The following RDX variants were observed in gnomAD, a reference collection of about 807,000 sequenced individuals.
RDX encodes the protein radixin, also known as deafness, autosomal recessive 24.
Under a neutral mutation model 83.7 loss-of-function variants are expected in RDX, and 32 were observed. That is an observed-to-expected ratio of 0.38 (90% CI 0.29 to 0.51). The LOEUF (loss-of-function observed/expected upper bound fraction) is 0.51, where lower values mean the gene tolerates loss of function less well. RDX is among the 20% of genes least tolerant of loss of function. The probability of loss-of-function intolerance (pLI) is 0.87; values close to 1 mark genes in which losing one functional copy is unlikely to be tolerated. For synonymous variants in RDX, 229 were observed against 222.7 expected (o/e 1.03, Z -0.25); for missense variants, 600 against 689.9 (o/e 0.87, Z 1.46).
intron 12 of RDX, 129 bp from the exon 13 acceptor site, chr11:110,233,608 T>G: frequency 1.1e-6 from 1 of 916,904 alleles, no homozygotes; most frequent in South Asian, 1.6e-5. Flanking sequence ...TTATGAAACC[T>G]CTATTTTCAT....
chr11:110,291,941 T>C lies in RDX; in HGVS notation c.-65+4526A>G, dbSNP rs1206052445. Reference sequence around the variant, plus strand: ...CAGGAAGTCTGAGGCAGGATGATCATTTGAGACCAGCCTGGGCAACATAGG... The same window carrying C: ...CAGGAAGTCTGAGGCAGGATGATCACTTGAGACCAGCCTGGGCAACATAGG... On this transcript the variant is annotated intron_variant, in intron 1 of 13. Transcript: ENST00000645495. Among the ~76,000 whole-genome samples the C allele has an allele frequency of 6.6e-5, 10 of 152,018 alleles. No homozygotes were observed. The South Asian group carries it at 2.1e-3, about 32-fold the overall frequency.
chr11:110,215,605 T>C (rs1038153301), intron 14 of RDX, among the ~76,000 whole-genome samples: 1 of 152,166 alleles, frequency 6.6e-6, no homozygotes, highest in Non-Finnish European at 1.5e-5. Context: ...CCACTCTGTA[T>C]TCAAGTCGAA....
At chr11:110,274,126 TA>T (rs1008345361) in intron 2 of RDX, among the ~76,000 whole-genome samples, 7 of 152,188 alleles carry the variant, frequency 4.6e-5, no homozygotes, top group Non-Finnish European at 7.4e-5. Context: ...AAAATAATCT[TA>T]TTTTTTTCTT....
chr11:110,262,833 C>G (rs1166447079), intron 5 of RDX, among the ~76,000 whole-genome samples: 1 of 152,084 alleles, frequency 6.6e-6, no homozygotes, highest in African/African-American at 2.4e-5. Flanking sequence ...AGGGTGGAAT[C>G]GGTACTCAAA....
At chr11:110,288,162 G>A (rs1335312477) in intron 1 of RDX, among the ~76,000 whole-genome samples, 1 of 152,050 alleles carries the variant, frequency 6.6e-6, no homozygotes, top group Non-Finnish European at 1.5e-5. Context: ...TATTTTCAAG[G>A]AAATGAAATA....
intron 2 of RDX, among the ~76,000 whole-genome samples, chr11:110,277,650 A>T (rs1860574207): frequency 6.6e-6 from 1 of 151,980 alleles, no homozygotes; most frequent in Non-Finnish European, 1.5e-5. Context: ...TCTTTTGTGA[A>T]ATATCTGCTC....
At chr11:110,246,433 A>C (rs1591147237) in intron 10 of RDX, among the ~76,000 whole-genome samples, 1 of 152,332 alleles carries the variant, frequency 6.6e-6, no homozygotes, top group East Asian at 1.9e-4. Flanking sequence ...GTGAAATCTG[A>C]AATGCTACAA....
intron 14 of RDX, among the ~76,000 whole-genome samples, chr11:110,205,816 G>A (rs916799810): frequency 1.3e-5 from 2 of 152,192 alleles, no homozygotes; most frequent in Non-Finnish European, 2.9e-5. Flanking sequence ...TAGTAAAGTT[G>A]AAGATGTGCA....
intron 15 of RDX, among the ~76,000 whole-genome samples, chr11:110,190,102 A>C (rs1427287822): frequency 6.6e-6 from 1 of 152,120 alleles, no homozygotes; most frequent in African/African-American, 2.4e-5. Context: ...AATTATTTGG[A>C]ATACATGAAA....
At chr11:110,267,983 G>GA (rs1860129930) in intron 3 of RDX, among the ~76,000 whole-genome samples, 1 of 151,740 alleles carries the variant, frequency 6.6e-6, no homozygotes, top group South Asian at 2.1e-4. Flanking sequence ...TTAAAAATAA[G>GA]AAAAAAGCAT....
At chr11:110,269,622 C>T (rs1480588260) in intron 3 of RDX, among the ~76,000 whole-genome samples, 1 of 152,100 alleles carries the variant, frequency 6.6e-6, no homozygotes, top group Admixed American at 6.6e-5. Context: ...CTGCATTTTT[C>T]GATCCTTGCA....
At chr11:110,244,456 G>C (rs895856539) in intron 10 of RDX, among the ~76,000 whole-genome samples, 2 of 147,696 alleles carry the variant, frequency 1.4e-5, no homozygotes, top group Non-Finnish European at 3.0e-5. Flanking sequence ...AACAAAAGAA[G>C]CCAGTCACAA....
At chr11:110,194,605 G>A (rs1591502511) in intron 15 of RDX, among the ~76,000 whole-genome samples, 1 of 152,148 alleles carries the variant, frequency 6.6e-6, no homozygotes, top group African/African-American at 2.4e-5. Flanking sequence ...TCAAGGAGAG[G>A]ACTGAGAAAC....
intron 10 of RDX, among the ~76,000 whole-genome samples, chr11:110,243,899 T>G (rs2134330007): frequency 6.6e-6 from 1 of 152,212 alleles, no homozygotes; most frequent in Admixed American, 6.5e-5. Context: ...AAATCAAATT[T>G]GCTGGTGGCA....
chr11:110,209,528 G>A (rs1254011743), intron 14 of RDX, among the ~76,000 whole-genome samples: 4 of 152,226 alleles, frequency 2.6e-5, no homozygotes, highest in Admixed American at 1.3e-4. Flanking sequence ...GCAGCACCCT[G>A]GGGGCAGGGC....
intron 14 of RDX, among the ~76,000 whole-genome samples, chr11:110,207,329 G>C (rs575826878): frequency 6.6e-6 from 1 of 152,120 alleles, no homozygotes; most frequent in Non-Finnish European, 1.5e-5. Context: ...AACCTGAGGA[G>C]GGCACCCTGC....
rs1267308851 is a variant in RDX at position 110,229,558 on chromosome 11, G to C, written c.*2311C>G. 1.3e-5 allele frequency: 2 copies of C among 152,198 alleles called. No individual in the cohort carries two copies. The highest frequency in any genetic ancestry group is 2.9e-5 in the Non-Finnish European group (2 of 67,840). 9.4% of individuals were successfully genotyped at this position (152,198 alleles called of 1,614,324 possible). A position where few individuals can be genotyped will look rare whatever the true frequency, so the allele number is the denominator to read the frequency against. ...TTATGCTAATGGTAAAAGCCTACTG[G>C]GATTTACCAAATACTCATTAGTGTA... On this transcript the variant is annotated 3_prime_UTR_variant, in exon 14 of 14. Coordinates refer to ENST00000645495, the MANE Select transcript of RDX (RefSeq NM_002906.4).
In RDX at chr11:110,272,607, C is replaced by T. The variant is rs1860350064; in HGVS notation, c.25G>A (p.Val9Ile). MPKPINVRVTTMDAELEFA... is the reference protein window; with the variant it reads MPKPINVRITTMDAELEFA... ...TCCAGCTCAGCATCCATTGTAGTTA[C>T]TCTTACGTTGATCTGTAATAAAAAT... Residue 9 changes from valine (V) to isoleucine (I), a missense_variant, in exon 3 of 14, where the codon GTA (valine) becomes ATA (isoleucine). Val to Ile is a conservative substitution (Grantham distance 29). Coordinates refer to ENST00000645495, the MANE Select transcript of RDX (RefSeq NM_002906.4). 1 of 1,609,198 alleles carries T rather than the reference C, an allele frequency of 6.2e-7. No individual in the cohort carries two copies.
intron 10 of RDX, among the ~76,000 whole-genome samples, chr11:110,246,006 C>T (rs1045496676): frequency 3.3e-5 from 5 of 152,076 alleles, no homozygotes; most frequent in African/African-American, 1.2e-4. Flanking sequence ...AGTGATCCTC[C>T]CACCTCTCAG....
Sources: gnomAD v4.1 joint callset for allele counts (sites outside exome capture counted in the v4.1 genomes callset) on GRCh38, gnomAD v4.1.1 for gene constraint, MANE v1.5 for transcripts, NCBI Gene and HGNC (gene_info 2026-07-23, HGNC 2026-07-21) for gene names.